RERG: variants seen among roughly 807,000 people sequenced by gnomAD.
RERG encodes the protein ras-related and estrogen-regulated growth inhibitor.
Under a neutral mutation model 23.2 loss-of-function variants are expected in RERG, and 25 were observed. The ratio of observed to expected loss-of-function variants is 1.08; its 90% CI spans 0.79 to 1.50. The LOEUF (loss-of-function observed/expected upper bound fraction) is 1.50. Ranked by LOEUF, RERG falls within the 40% of genes most tolerant of loss-of-function variation. The pLI, the probability that RERG is intolerant of heterozygous loss-of-function variation, is 0.00. For synonymous variants in RERG, 81 were observed against 89.1 expected, an observed-to-expected ratio of 0.91 and a Z score of 0.51; for missense variants, 253 against 250.1, an observed-to-expected ratio of 1.01 and a Z score of -0.08.
rs556956933 is a variant in RERG at position 15,148,177 on chromosome 12, G to C, written c.62-27058C>G. On this transcript the variant is annotated intron_variant, in intron 2 of 4. Coordinates refer to ENST00000256953, the MANE Select transcript of RERG (RefSeq NM_032918.3). ...AACGTGACCTGAGAGAAAAAAGCCA[G>C]AGAGAGAAAACATCCAAAATACAAG... Among the ~76,000 whole-genome samples, 9 of 152,270 alleles carry C rather than the reference G, an allele frequency of 5.9e-5. No homozygotes were observed. The South Asian group carries it at 1.9e-3, about 32-fold the overall frequency.
At chr12:15,212,731 G>T (rs146593984) in intron 2 of RERG, among the ~76,000 whole-genome samples, 79 of 152,144 alleles carry the variant, frequency 5.2e-4, no homozygotes, top group African/African-American at 1.8e-3. Flanking sequence ...TGCGACTGAG[G>T]TTTCTGTTTT....
At chr12:15,156,354 T>C (rs2058783) in intron 2 of RERG, among the ~76,000 whole-genome samples, 25,655 of 152,166 alleles carry the variant, frequency 0.17, 2,294 homozygotes, top group East Asian at 0.24. Flanking sequence ...CCCTGAAATC[T>C]ACCTGTGGAC....
At chr12:15,159,493 T>C (rs1042181632) in intron 2 of RERG, among the ~76,000 whole-genome samples, 2 of 152,240 alleles carry the variant, frequency 1.3e-5, no homozygotes, top group African/African-American at 2.4e-5. Context: ...AAGTTATTGA[T>C]TTGGACATAT....
At chr12:15,124,582 C>A (rs146595831) in intron 2 of RERG, among the ~76,000 whole-genome samples, 311 of 151,996 alleles carry the variant, frequency 2.0e-3, no homozygotes, top group Non-Finnish European at 3.8e-3. Flanking sequence ...CAATTTTTTT[C>A]TAAGATACTT....
At chr12:15,122,363 A>G (rs1863847778) in intron 2 of RERG, among the ~76,000 whole-genome samples, 1 of 152,202 alleles carries the variant, frequency 6.6e-6, no homozygotes, top group African/African-American at 2.4e-5. Context: ...TCTCACTTTT[A>G]GGAAAAACAG....
intron 2 of RERG, among the ~76,000 whole-genome samples, chr12:15,179,487 C>T (rs1442401985): frequency 6.6e-6 from 1 of 152,164 alleles, no homozygotes; most frequent in Non-Finnish European, 1.5e-5. Context: ...AATCTCCCAC[C>T]CCACAGTGCT....
chr12:15,172,404 T>G (rs1028456584), intron 2 of RERG, among the ~76,000 whole-genome samples: 2 of 152,150 alleles, frequency 1.3e-5, no homozygotes, highest in Admixed American at 1.3e-4. Flanking sequence ...TTGTTTTTAT[T>G]TTGGGCTATT....
intron 3 of RERG, among the ~76,000 whole-genome samples, chr12:15,111,739 A>C (rs1442339060): frequency 6.8e-6 from 1 of 146,726 alleles, no homozygotes; most frequent in Admixed American, 6.9e-5. Flanking sequence ...GCTGGAGTGC[A>C]GTGGTGCAAT....
intron 2 of RERG, among the ~76,000 whole-genome samples, chr12:15,159,506 A>G (rs1443206074): frequency 1.3e-5 from 2 of 152,194 alleles, no homozygotes; most frequent in Non-Finnish European, 2.9e-5. Flanking sequence ...GGACATATTT[A>G]TATCTATTGA....
intron 2 of RERG, among the ~76,000 whole-genome samples, chr12:15,177,310 G>A (rs1042890614): frequency 1.7e-4 from 26 of 152,108 alleles, no homozygotes; most frequent in Admixed American, 5.9e-4. Context: ...AAAATTCACC[G>A]GATGTGGTGG....
chr12:15,195,302 AAGAC>A (rs1232941872), intron 2 of RERG, among the ~76,000 whole-genome samples: 12 of 152,056 alleles, frequency 7.9e-5, no homozygotes, highest in Non-Finnish European at 4.4e-5. Flanking sequence ...CAAACCCTAT[AAGAC>A]CATCCTGCCT....
intron 2 of RERG, among the ~76,000 whole-genome samples, chr12:15,200,775 T>G (rs1386184525): frequency 3.3e-5 from 5 of 152,018 alleles, no homozygotes; most frequent in African/African-American, 9.7e-5. Flanking sequence ...TTTTCCTTAA[T>G]GTTGACATGT....
intron 2 of RERG, among the ~76,000 whole-genome samples, chr12:15,147,482 A>G (rs530670308): frequency 1.3e-5 from 2 of 152,264 alleles, no homozygotes; most frequent in Non-Finnish European, 2.9e-5. Context: ...GTAGTTCTAC[A>G]TAAGTATATT....
At chr12:15,200,258 T>C (rs1409133325) in intron 2 of RERG, among the ~76,000 whole-genome samples, 1 of 152,078 alleles carries the variant, frequency 6.6e-6, no homozygotes, top group East Asian at 1.9e-4. Context: ...ATTTTTTAAT[T>C]TGTAGTGAAC....
intron 2 of RERG, among the ~76,000 whole-genome samples, chr12:15,164,916 T>G (rs1329663127): frequency 6.6e-6 from 1 of 152,208 alleles, no homozygotes. Context: ...ACTCTCTTCA[T>G]TAAGCCAGGG....
At position 15,217,504 on chromosome 12, in the gene RERG, G is replaced by A. The variant is rs1231130443; in HGVS notation, c.-15C>T. ...CTTTTAGCCATGATGGGTGTTGGTAGACAATTTACTGTTGTTAAAACTAAA... is the reference window on the plus strand; with the variant it reads ...CTTTTAGCCATGATGGGTGTTGGTAAACAATTTACTGTTGTTAAAACTAAA... On this transcript the variant is annotated 5_prime_UTR_variant, in exon 2 of 5. Transcript: ENST00000256953. The A allele has an allele frequency of 1.3e-6, 2 of 1,597,358 alleles. No individual in the cohort carries two copies. The highest frequency in any genetic ancestry group is 1.7e-6 in the Non-Finnish European group (2 of 1,164,810).
At chr12:15,194,760 G>A (rs141480108) in intron 2 of RERG, among the ~76,000 whole-genome samples, 6 of 152,224 alleles carry the variant, frequency 3.9e-5, no homozygotes, top group African/African-American at 1.4e-4. Context: ...TCTGGTTGCT[G>A]CAGGATGTTG....
chr12:15,142,572 G>A (rs1216858212), intron 2 of RERG, among the ~76,000 whole-genome samples: 1 of 152,118 alleles, frequency 6.6e-6, no homozygotes. Context: ...CTCATGCACT[G>A]TAATTTAAGC....
intron 2 of RERG, among the ~76,000 whole-genome samples, chr12:15,191,023 C>T (rs980621749): frequency 2.0e-5 from 3 of 152,126 alleles, no homozygotes; most frequent in African/African-American, 7.2e-5. Flanking sequence ...AGCTAACAGT[C>T]TTATGGAATG....
Sources: gnomAD v4.1 joint callset for allele counts (sites outside exome capture counted in the v4.1 genomes callset) on GRCh38, gnomAD v4.1.1 for gene constraint, MANE v1.5 for transcripts, NCBI Gene and HGNC (gene_info 2026-07-23, HGNC 2026-07-21) for gene names.